Variants in TMEM117 observed in about 807,000 individuals in gnomAD.
TMEM117 encodes transmembrane protein 117.
In TMEM117, 27 loss-of-function variants were observed where a neutral mutation model predicts 52.4. The ratio of observed to expected loss-of-function variants is 0.51; its 90% CI spans 0.38 to 0.71. TMEM117 has a LOEUF of 0.71. Ranked by LOEUF, TMEM117 falls within the 30% of genes least tolerant of loss-of-function variation. The pLI, the probability that TMEM117 is intolerant of heterozygous loss-of-function variation, is 0.00. For synonymous variants in TMEM117, 215 were observed against 206.3 expected (o/e 1.04, Z -0.36); for missense variants, 556 against 630.5 (o/e 0.88, Z 1.26).
intron 1 of TMEM117, among the ~76,000 whole-genome samples, chr12:43,840,447 G>A (rs1477968647): frequency 2.0e-5 from 3 of 152,160 alleles, no homozygotes; most frequent in African/African-American, 7.2e-5. Flanking sequence ...TTGAGGGGGG[G>A]TGCATTAGTA....
At chr12:44,273,662 A>G (rs1950477147) in intron 5 of TMEM117, among the ~76,000 whole-genome samples, 1 of 152,204 alleles carries the variant, frequency 6.6e-6, no homozygotes, top group African/African-American at 2.4e-5. Flanking sequence ...ATGGTTCAAC[A>G]TATGCAAATC....
the TMEM117 span, among the ~76,000 whole-genome samples, chr12:43,828,529 G>A: frequency 6.6e-6 from 1 of 152,352 alleles, no homozygotes; most frequent in East Asian, 1.9e-4. Flanking sequence ...CATGGGGAGA[G>A]GATGGCTCTT....
At chr12:43,958,963 C>T (rs1239313292) in intron 3 of TMEM117, among the ~76,000 whole-genome samples, 1 of 152,034 alleles carries the variant, frequency 6.6e-6, no homozygotes, top group Non-Finnish European at 1.5e-5. Flanking sequence ...CCCACCACCA[C>T]GCCCGGCTAA....
At chr12:44,279,341 G>T (rs901189096) in intron 5 of TMEM117, among the ~76,000 whole-genome samples, 5 of 152,036 alleles carry the variant, frequency 3.3e-5, no homozygotes, top group Admixed American at 1.3e-4. Context: ...CAATTACTTG[G>T]CCAGTTGCAG....
intron 2 of TMEM117, among the ~76,000 whole-genome samples, chr12:43,882,876 A>G (rs1050155252): frequency 6.6e-6 from 1 of 152,202 alleles, no homozygotes; most frequent in African/African-American, 2.4e-5. Context: ...ACTAAGATTA[A>G]CGATAAAGAT....
intron 6 of TMEM117, among the ~76,000 whole-genome samples, chr12:44,350,770 G>T (rs1047951648): frequency 6.6e-6 from 1 of 151,968 alleles, no homozygotes; most frequent in Admixed American, 6.6e-5. Context: ...ATCTGCTAAT[G>T]GACACATAAG....
chr12:44,204,237 T>C (rs1810719516), intron 4 of TMEM117, among the ~76,000 whole-genome samples: 1 of 152,052 alleles, frequency 6.6e-6, no homozygotes, highest in South Asian at 2.1e-4. Context: ...ACAAAATCAG[T>C]GTACAAAAAT....
chr12:43,958,196 G>A (rs956985641), intron 3 of TMEM117, among the ~76,000 whole-genome samples: 1 of 152,134 alleles, frequency 6.6e-6, no homozygotes, highest in African/African-American at 2.4e-5. Context: ...GCTTGCATAT[G>A]CATCTATATG....
chr12:43,894,480 G>T (rs978371662), intron 2 of TMEM117, among the ~76,000 whole-genome samples: 1 of 151,946 alleles, frequency 6.6e-6, no homozygotes, highest in African/African-American at 2.4e-5. Context: ...GGGGTTGGTT[G>T]TACAGATTAT....
At chr12:44,315,894 C>T (rs1306153007) in intron 6 of TMEM117, among the ~76,000 whole-genome samples, 2 of 151,974 alleles carry the variant, frequency 1.3e-5, no homozygotes, top group Non-Finnish European at 2.9e-5. Flanking sequence ...AATAGCAACC[C>T]CTGTTCTTTT....
At chr12:44,339,353 G>A (rs1951385356) in intron 6 of TMEM117, among the ~76,000 whole-genome samples, 1 of 151,786 alleles carries the variant, frequency 6.6e-6, no homozygotes. Context: ...GAAATGACAT[G>A]GCCCTGATTG....
intron 2 of TMEM117, among the ~76,000 whole-genome samples, chr12:43,860,168 C>T (rs1943465204): frequency 1.3e-5 from 2 of 152,126 alleles, no homozygotes; most frequent in South Asian, 2.1e-4. Flanking sequence ...TGCTATCCCT[C>T]CCCTAGTCCC....
chr12:43,965,828 G>C (rs1945476539), intron 3 of TMEM117, among the ~76,000 whole-genome samples: 1 of 152,100 alleles, frequency 6.6e-6, no homozygotes, highest in Non-Finnish European at 1.5e-5. Context: ...TGAGGTTTCG[G>C]GTATGATTGA....
At chr12:44,334,837 A>G (rs1389285518) in intron 6 of TMEM117, among the ~76,000 whole-genome samples, 2 of 152,056 alleles carry the variant, frequency 1.3e-5, no homozygotes, top group African/African-American at 4.8e-5. Flanking sequence ...CTAAGAAAAA[A>G]AATTCAGTTA....
intron 6 of TMEM117, among the ~76,000 whole-genome samples, chr12:44,314,082 ATG>A (rs1276639644): frequency 6.6e-6 from 1 of 152,052 alleles, no homozygotes; most frequent in Non-Finnish European, 1.5e-5. Flanking sequence ...TTTCCTATTG[ATG>A]CGTTTTATTC....
At chr12:43,984,792 CA>C (rs1211422169) in intron 3 of TMEM117, among the ~76,000 whole-genome samples, 1 of 152,004 alleles carries the variant, frequency 6.6e-6, no homozygotes, top group Non-Finnish European at 1.5e-5. Context: ...TTGTTAATCT[CA>C]TTTGTCTTCA....
In TMEM117 at chr12:44,210,726, A is replaced by T. The variant is rs1465594252; in HGVS notation, c.511-564A>T. On this transcript the variant is annotated intron_variant, in intron 4 of 7. Transcript: ENST00000266534. ...AGTAATATGACTTAGGCCTCGGAAG[A>T]TGGGCAGAATCTGTGCAGGTGAGGA... Among the ~76,000 whole-genome samples the T allele has an allele frequency of 3.9e-5, 6 of 152,150 alleles. No homozygotes were observed. In the East Asian group the frequency reaches 1.2e-3, roughly 29 times the overall value.
chr12:43,863,101 C>G (rs553850628), intron 2 of TMEM117, among the ~76,000 whole-genome samples: 108 of 152,164 alleles, frequency 7.1e-4, no homozygotes, highest in African/African-American at 2.5e-3. Context: ...AGAAAATCAG[C>G]TGGGCATGGT....
chr12:44,173,601 A>G (rs1055204464), intron 4 of TMEM117, among the ~76,000 whole-genome samples: 13 of 136,124 alleles, frequency 9.6e-5, no homozygotes, highest in Admixed American at 7.6e-4. Context: ...GTTGCTGAAA[A>G]CACTAGAACC....
Sources: gnomAD v4.1 joint callset for allele counts (sites outside exome capture counted in the v4.1 genomes callset) on GRCh38, gnomAD v4.1.1 for gene constraint, MANE v1.5 for transcripts, NCBI Gene and HGNC (gene_info 2026-07-23, HGNC 2026-07-21) for gene names.